Variants in KCNQ1 observed in about 807,000 individuals in gnomAD.
The protein encoded by KCNQ1 is potassium voltage-gated channel subfamily Q member 1, also known as potassium voltage-gated channel subfamily KQT member 1.
A neutral mutation model predicts 72.4 loss-of-function variants in KCNQ1; 49 were observed. The observed-to-expected ratio is 0.68, with a 90% CI of 0.54 to 0.86. KCNQ1 has a LOEUF of 0.86. KCNQ1 is among the 40% of genes least tolerant of loss of function. The pLI, the probability that KCNQ1 is intolerant of heterozygous loss-of-function variation, is 0.00. For missense variants in KCNQ1, 790 were observed against 945.1 expected (o/e 0.84, Z 2.15); for synonymous variants, 450 against 412.6 (o/e 1.09, Z -1.10).
rs1847870141 is a variant in KCNQ1, at chr11:2,544,286, A to ATATACG, written c.477+16272_477+16273insCGTATA. On this transcript the variant is annotated intron_variant, in intron 2 of 15. Transcript: ENST00000155840. The surrounding 1 kb of genome is among the most constrained non-coding windows in gnomAD (Gnocchi z 4.4). ...TGTGTGTGTGTATATATATGTGTAT[A>ATATACG]TATATATGTATATATGTGTATATAT... is the stretch of plus-strand genomic sequence containing the variant. Among the ~76,000 whole-genome samples, 1 of 139,176 alleles carries ATATACG rather than the reference A, an allele frequency of 7.2e-6. No homozygotes were observed. Among genetic ancestry groups the ATATACG allele is most frequent in the Non-Finnish European group, 1.5e-5 (1 of 66,020 alleles). 91.3% of individuals were successfully genotyped at this position (139,176 alleles called of 152,430 possible). A position where few individuals can be genotyped will look rare whatever the true frequency, so the allele number is the denominator to read the frequency against.
intron 10 of KCNQ1, chr11:2,649,924 TG>T (rs1849731697): frequency 2.5e-6 from 1 of 398,514 alleles, no homozygotes; most frequent in Non-Finnish European, 4.4e-6. Flanking sequence ...ACTCCCAAAA[TG>T]TGAAATATTG....
At chr11:2,775,924 GGGA>G (rs143986529) in intron 12 of KCNQ1, 33 bp from the exon 13 acceptor site, 29 of 1,546,308 alleles carry the variant, frequency 1.9e-5, no homozygotes, top group African/African-American at 6.8e-5. Flanking sequence ...CTGGGGCACA[GGGA>G]GGAGAAGTGA....
intron 15 of KCNQ1, among the ~76,000 whole-genome samples, chr11:2,838,113 C>T (rs955301730): frequency 6.6e-6 from 1 of 152,190 alleles, no homozygotes; most frequent in Non-Finnish European, 1.5e-5. Flanking sequence ...TGCTGCACGC[C>T]AAGGGCAGTT....
At chr11:2,487,853 A>C (rs909445099) in intron 1 of KCNQ1, among the ~76,000 whole-genome samples, 1 of 151,620 alleles carries the variant, frequency 6.6e-6, no homozygotes, top group Admixed American at 6.6e-5. Context: ...GATGCCTTTT[A>C]TTTCTTTTAA....
At chr11:2,503,685 TATAATA>T (rs148324871) in intron 1 of KCNQ1, among the ~76,000 whole-genome samples, 1 of 151,692 alleles carries the variant, frequency 6.6e-6, no homozygotes, top group Non-Finnish European at 1.5e-5. Context: ...AAACTTAAAG[TATAATA>T]ATAATAAAAA....
At position 2,664,421 on chromosome 11, in the gene KCNQ1, C is replaced by T. The variant is rs1850025833; in HGVS notation, c.1514+2340C>T. Reference sequence around the variant, plus strand: ...AGGGGAGAGTGGGCACGTACAGTGTCAGGGCCTAGGAACCCAGGCTCCTCT... The same window carrying T: ...AGGGGAGAGTGGGCACGTACAGTGTTAGGGCCTAGGAACCCAGGCTCCTCT... On this transcript the variant is annotated intron_variant, in intron 11 of 15. Transcript: ENST00000155840. The surrounding 1 kb of genome is among the most constrained non-coding windows in gnomAD (Gnocchi z 5.1). 7.5e-6 allele frequency: 3 copies of T among 398,532 alleles called. No homozygotes were observed. Among genetic ancestry groups the T allele is most frequent in the African/African-American group, 4.1e-5 (2 of 48,610 alleles). The allele number at this position is 398,532 out of a possible 1,614,324, so 24.7% of individuals were successfully genotyped here.
At chr11:2,524,308 C>T (rs546191787) in intron 1 of KCNQ1, among the ~76,000 whole-genome samples, 2 of 152,316 alleles carry the variant, frequency 1.3e-5, no homozygotes, top group East Asian at 3.9e-4. Flanking sequence ...AGGGCCCAGC[C>T]TCCAGGGACC....
At chr11:2,805,829 G>C (rs968370169) in intron 15 of KCNQ1, among the ~76,000 whole-genome samples, 2 of 152,154 alleles carry the variant, frequency 1.3e-5, no homozygotes, top group Non-Finnish European at 2.9e-5. Context: ...CTGATGACAC[G>C]TATCACGGGG....
Position 2,550,937 on chromosome 11 carries a change from C to T in KCNQ1, c.478-19691C>T, listed in dbSNP as rs925016662. On this transcript the variant is annotated intron_variant, in intron 2 of 15. Coordinates refer to ENST00000155840, the MANE Select transcript of KCNQ1 (RefSeq NM_000218.3). The surrounding 1 kb of genome is among the most constrained non-coding windows in gnomAD (Gnocchi z 6.0). The stretch of plus-strand genomic sequence containing the variant: ...GTGTTCCATCCATGGGGTACAGCTG[C>T]TCCCAGGCCAGACTCTGGTGGTAGC... 6.6e-6 allele frequency among the ~76,000 whole-genome samples: 1 copy of T among 152,036 alleles called. No individual in the cohort carries two copies. Among genetic ancestry groups the T allele is most frequent in the Admixed American group, 6.5e-5 (1 of 15,272 alleles).
chr11:2,730,091 G>T (rs1187521377), intron 11 of KCNQ1, among the ~76,000 whole-genome samples: 1 of 152,088 alleles, frequency 6.6e-6, no homozygotes, highest in Non-Finnish European at 1.5e-5. Context: ...GTGCGGTGTG[G>T]TTGGCGCAGA....
In KCNQ1 at chr11:2,538,053, T is replaced by G. The variant is rs1287540353; in HGVS notation, c.477+10035T>G. On this transcript the variant is annotated intron_variant, in intron 2 of 15. Coordinates refer to ENST00000155840, the MANE Select transcript of KCNQ1 (RefSeq NM_000218.3). This position sits in a 1 kb window ranked among gnomAD's most constrained non-coding sequence, Gnocchi z 6.7. ...TATCCTGAGTCATTTGAGAGTAAGTTGGAGGCAGTATGACCGTTTCTCCGT... is the reference window on the plus strand; with the variant it reads ...TATCCTGAGTCATTTGAGAGTAAGTGGGAGGCAGTATGACCGTTTCTCCGT... Among the ~76,000 whole-genome samples, 3 of 152,180 alleles carry G rather than the reference T, an allele frequency of 2.0e-5. No individual in the cohort carries two copies. Among genetic ancestry groups the G allele is most frequent in the Non-Finnish European group, 4.4e-5 (3 of 68,032 alleles).
rs770767943 is a variant in KCNQ1, at chr11:2,471,689, TG to T, written c.386+26206del. Among the ~76,000 whole-genome samples the T allele has an allele frequency of 4.6e-5, 7 of 151,552 alleles. No homozygotes were observed. The highest frequency in any genetic ancestry group is 1.0e-4 in the Non-Finnish European group (7 of 67,882). Reference sequence around the variant, plus strand: ...GCATGGGTGTGCACATGTGTATGGGTGTGCATGTGTGTATAGGTGTGTGTAT... The same window carrying T: ...GCATGGGTGTGCACATGTGTATGGGTTGCATGTGTGTATAGGTGTGTGTAT... On this transcript the variant is annotated intron_variant, in intron 1 of 15. Transcript: ENST00000155840. The surrounding 1 kb of genome is among the most constrained non-coding windows in gnomAD (Gnocchi z 4.8).
rs886097089 is a variant in KCNQ1, at chr11:2,478,587, C to T, written c.386+33103C>T. On this transcript the variant is annotated intron_variant, in intron 1 of 15. Transcript: ENST00000155840. This position sits in a 1 kb window ranked among gnomAD's most constrained non-coding sequence, Gnocchi z 4.0. ...TACCATGAGAACAGCATGGAGGAAA[C>T]CACCCCCATGATTCAATTATCTCCC... Among the ~76,000 whole-genome samples, 1 of 152,128 alleles carries T rather than the reference C, an allele frequency of 6.6e-6. No homozygotes were observed. Among genetic ancestry groups the T allele is most frequent in the African/African-American group, 2.4e-5 (1 of 41,422 alleles).
Position 2,782,057 on chromosome 11 carries a change from A to G in KCNQ1, c.1794+4020A>G, listed in dbSNP as rs185063790. Among the ~76,000 whole-genome samples the G allele has an allele frequency of 1.0e-3, 154 of 152,192 alleles. No homozygotes were observed. The highest frequency in any genetic ancestry group is 1.6e-3 in the Non-Finnish European group (108 of 67,984). On this transcript the variant is annotated intron_variant, in intron 15 of 15. Coordinates refer to ENST00000155840, the MANE Select transcript of KCNQ1 (RefSeq NM_000218.3). This position sits in a 1 kb window ranked among gnomAD's most constrained non-coding sequence, Gnocchi z 6.1. Reference sequence around the variant, plus strand: ...CAGAATTGGGTGTTTGCCCCCAGACACTGCTACCCTTTCCCTCATTCCAGT... The same window carrying G: ...CAGAATTGGGTGTTTGCCCCCAGACGCTGCTACCCTTTCCCTCATTCCAGT...
In KCNQ1 at chr11:2,645,716, A is replaced by C; in HGVS notation, c.1394-16245A>C. 1 of 398,802 alleles carries C rather than the reference A, an allele frequency of 2.5e-6. No homozygotes were observed. The highest frequency in any genetic ancestry group is 4.4e-5 in the Admixed American group (1 of 22,728). The allele number at this position is 398,802 out of a possible 1,614,324, so 24.7% of individuals were successfully genotyped here. ...GAGGGAGCAGTCAGGAGTGGCAACC[A>C]GCTTTGTGTAAGGGATGTCCATGGG... On this transcript the variant is annotated intron_variant, in intron 10 of 15. Transcript: ENST00000155840. This position sits in a 1 kb window ranked among gnomAD's most constrained non-coding sequence, Gnocchi z 5.8.
chr11:2,632,356 CTTTA>C (rs1261887595), intron 10 of KCNQ1: 3 of 398,096 alleles, frequency 7.5e-6, no homozygotes, highest in Non-Finnish European at 1.3e-5. Context: ...TAAATGATGC[CTTTA>C]TTTCTTTTCC....
At chr11:2,606,448 C>T (rs574549488) in intron 10 of KCNQ1, among the ~76,000 whole-genome samples, 1 of 152,238 alleles carries the variant, frequency 6.6e-6, no homozygotes, top group African/African-American at 2.4e-5. Context: ...AATTCTTACT[C>T]TGGTAGTTTA....
chr11:2,821,306 G>A (rs903125975), intron 15 of KCNQ1, among the ~76,000 whole-genome samples: 2 of 152,240 alleles, frequency 1.3e-5, no homozygotes, highest in Non-Finnish European at 2.9e-5. Context: ...CGAGAGGATG[G>A]GAAGGTGGCC....
intron 11 of KCNQ1, among the ~76,000 whole-genome samples, chr11:2,716,902 G>A (rs1268823698): frequency 6.6e-6 from 1 of 152,222 alleles, no homozygotes; most frequent in African/African-American, 2.4e-5. Context: ...CATCACTCTG[G>A]CCCAAGGCCA....
Sources: allele counts gnomAD v4.1 joint callset (sites outside exome capture counted in the v4.1 genomes callset), GRCh38; gene constraint gnomAD v4.1.1; non-coding constraint Gnocchi (gnomAD v3.1); transcripts MANE v1.5; gene names NCBI Gene and HGNC (gene_info 2026-07-23, HGNC 2026-07-21).